ARHGAP5: variants seen among roughly 807,000 people sequenced by gnomAD.
The protein encoded by ARHGAP5 is rho GTPase-activating protein 5.
A neutral mutation model predicts 116.6 loss-of-function variants in ARHGAP5; 23 were observed. The observed-to-expected ratio is 0.20, with a 90% CI of 0.14 to 0.28. The LOEUF is 0.28. Among genes scored for constraint, ARHGAP5 ranks in the 10% least tolerant of loss-of-function variants. The probability of loss-of-function intolerance (pLI) is 1.00; values close to 1 mark genes in which losing one functional copy is unlikely to be tolerated. For synonymous variants in ARHGAP5, 574 were observed against 602.0 expected, an observed-to-expected ratio of 0.95 and a Z score of 0.68; for missense variants, 1,405 against 1,774.8, an observed-to-expected ratio of 0.79 and a Z score of 3.74.
intron 3 of ARHGAP5, among the ~76,000 whole-genome samples, chr14:32,135,877 A>G (rs1022934310): frequency 5.3e-5 from 8 of 152,246 alleles, no homozygotes; most frequent in African/African-American, 1.9e-4. Flanking sequence ...TGATCAAATA[A>G]TTATTTAATT....
Position 32,092,598 on chromosome 14 carries a change from C to G in ARHGAP5, c.1929C>G (p.Tyr643Ter). ...GGCCGGTTGATGCCAAATCGCCTTA[C>G]TTTTTGAGTCAGTTATGGACTGCCG... ...DLRPVDAKSP[Y>*]FLSQLWTAAF... The change falls in exon 2 of 7, where the codon TAC becomes TAG. Residue 643 changes from tyrosine to a stop codon, truncating the protein, a stop_gained. Coordinates refer to ENST00000345122, the MANE Select transcript of ARHGAP5 (RefSeq NM_001030055.2). LOFTEE classifies it high-confidence loss of function. The surrounding 1 kb of genome is among the most constrained non-coding windows in gnomAD (Gnocchi z 4.1). The G allele has an allele frequency of 6.2e-7, 1 of 1,613,680 alleles. No individual in the cohort carries two copies. The highest frequency in any genetic ancestry group is 8.5e-7 in the Non-Finnish European group (1 of 1,179,818).
At chr14:32,129,292 G>C (rs149384570) in intron 3 of ARHGAP5, among the ~76,000 whole-genome samples, 68 of 151,912 alleles carry the variant, frequency 4.5e-4, no homozygotes, top group African/African-American at 1.5e-3. Flanking sequence ...AGTTATGCTA[G>C]AGTAGGTGAT....
At chr14:32,143,244 T>TATTATC (rs111262766) in intron 3 of ARHGAP5, among the ~76,000 whole-genome samples, 109 of 151,422 alleles carry the variant, frequency 7.2e-4, no homozygotes, top group African/African-American at 2.5e-3. Flanking sequence ...TTGTTGTTAT[T>TATTATC]ATTATTATTA....
intron 3 of ARHGAP5, among the ~76,000 whole-genome samples, chr14:32,142,508 T>C (rs1881173673): frequency 6.6e-6 from 1 of 152,228 alleles, no homozygotes; most frequent in African/African-American, 2.4e-5. Context: ...CTATTCACTT[T>C]GCGGTGATTT....
intron 2 of ARHGAP5, among the ~76,000 whole-genome samples, chr14:32,099,373 G>A (rs1340832022): frequency 6.6e-6 from 1 of 152,178 alleles, no homozygotes; most frequent in Non-Finnish European, 1.5e-5. Context: ...GGTAATAGAT[G>A]AAATCTCCTA....
intron 6 of ARHGAP5, among the ~76,000 whole-genome samples, chr14:32,153,176 G>A (rs576990521): frequency 6.7e-6 from 1 of 149,370 alleles, no homozygotes; most frequent in Non-Finnish European, 1.5e-5. Flanking sequence ...GTATAAAATT[G>A]TATTAACATT....
intron 2 of ARHGAP5, 148 bp downstream of exon 2, chr14:32,094,534 T>G (rs1211103118): frequency 3.6e-6 from 2 of 559,526 alleles, no homozygotes. Flanking sequence ...TCTGTGGGGA[T>G]AAGTGATTTT....
At chr14:32,078,273 G>A (rs748042301) in intron 1 of ARHGAP5, 8 of 152,248 alleles carry the variant, frequency 5.3e-5, no homozygotes, top group Non-Finnish European at 8.8e-5. Context: ...TCGGGGTGTA[G>A]CTGAGGTTGA....
chr14:32,131,690 G>C (rs752169277), intron 3 of ARHGAP5, among the ~76,000 whole-genome samples: 5 of 152,030 alleles, frequency 3.3e-5, no homozygotes, highest in African/African-American at 1.2e-4. Context: ...CCCATTAACT[G>C]GTCATTTAGC....
chr14:32,135,045 C>T (rs1400604829), intron 3 of ARHGAP5, among the ~76,000 whole-genome samples: 4 of 152,142 alleles, frequency 2.6e-5, no homozygotes, highest in African/African-American at 9.7e-5. Context: ...CCATGCTTGT[C>T]CATTCCCAGC....
Position 32,156,417 on chromosome 14 carries a change from A to G in ARHGAP5, c.*1469A>G, listed in dbSNP as rs932108566. 1.3e-5 allele frequency: 2 copies of G among 152,402 alleles called. No homozygotes were observed. The highest frequency in any genetic ancestry group is 4.8e-5 in the African/African-American group (2 of 41,450). The allele number at this position is 152,402 out of a possible 1,614,324, so 9.4% of individuals were successfully genotyped here. On this transcript the variant is annotated 3_prime_UTR_variant, in exon 7 of 7. Transcript: ENST00000345122. ...TGCTCTGTTTTTTCCTAAAATAAAT[A>G]TTGTCTCTCCCAACTGTTAAGTTCT...
intron 2 of ARHGAP5, among the ~76,000 whole-genome samples, chr14:32,115,951 C>T (rs1226842028): frequency 4.2e-5 from 6 of 144,434 alleles, no homozygotes; most frequent in African/African-American, 1.0e-4. Context: ...GCTGAGATTG[C>T]GCCACTGCTC....
chr14:32,094,203 T>G lies in ARHGAP5; in HGVS notation c.3534T>G (p.Asp1178Glu), dbSNP rs1252910855. ...YRRTHSDASDDEAFTTSKTKR... is the reference protein window; with the variant it reads ...YRRTHSDASDEEAFTTSKTKR... ...GAACACATTCAGATGCCAGTGATGA[T>G]GAGGCTTTCACCACTTCTAAAACAA... The change falls in exon 2 of 7, where the codon GAT becomes GAG. Residue 1178 changes from aspartate to glutamate, a missense_variant. Physicochemically the swap from Asp to Glu is conservative, Grantham distance 45. Transcript: ENST00000345122. 1.2e-6 allele frequency: 2 copies of G among 1,612,686 alleles called. No individual in the cohort carries two copies. The highest frequency in any genetic ancestry group is 1.7e-6 in the Non-Finnish European group (2 of 1,179,806).
intron 4 of ARHGAP5, 103 bp downstream of exon 4, chr14:32,146,443 T>A: frequency 1.2e-6 from 1 of 817,472 alleles, no homozygotes. Flanking sequence ...CCTAAGGATA[T>A]GGATGTTGAG....
intron 2 of ARHGAP5, among the ~76,000 whole-genome samples, chr14:32,114,014 G>A (rs898366672): frequency 6.6e-6 from 1 of 152,134 alleles, no homozygotes; most frequent in African/African-American, 2.4e-5. Flanking sequence ...AGATCACGAG[G>A]TCAGGAGATC....
At chr14:32,145,083 T>G (rs1566683820) in intron 3 of ARHGAP5, among the ~76,000 whole-genome samples, 2 of 152,210 alleles carry the variant, frequency 1.3e-5, no homozygotes, top group African/African-American at 4.8e-5. Flanking sequence ...TAAGCAGGCC[T>G]CCTCTGACGT....
rs573264050 is a variant in ARHGAP5 at position 32,111,748 on chromosome 14, T to C, written c.3718-5392T>C. Among the ~76,000 whole-genome samples, 36 of 152,270 alleles carry C rather than the reference T, an allele frequency of 2.4e-4. No homozygotes were observed. In the South Asian group the frequency reaches 7.1e-3, roughly 30 times the overall value. Reference sequence around the variant, plus strand: ...ATCTTTTCAATTATATTGAATCTTTTATTTGCTACTTCTAAGCAGGTTTTT... The same window carrying C: ...ATCTTTTCAATTATATTGAATCTTTCATTTGCTACTTCTAAGCAGGTTTTT... On this transcript the variant is annotated intron_variant, in intron 2 of 6. Coordinates refer to ENST00000345122, the MANE Select transcript of ARHGAP5 (RefSeq NM_001030055.2).
At chr14:32,124,041 C>T (rs111886838) in intron 3 of ARHGAP5, among the ~76,000 whole-genome samples, 5,447 of 152,236 alleles carry the variant, frequency 0.036, 339 homozygotes, top group African/African-American at 0.12. Flanking sequence ...GTGTATTTCT[C>T]CATCTTTTTG....
intron 2 of ARHGAP5, 137 bp downstream of exon 2, chr14:32,094,523 T>C: frequency 1.6e-6 from 1 of 613,818 alleles, no homozygotes; most frequent in African/African-American, 1.9e-5. Flanking sequence ...TTTCTGAGTA[T>C]TCTGTGGGGA....
Sources: gnomAD v4.1 joint callset for allele counts (sites outside exome capture counted in the v4.1 genomes callset) on GRCh38, gnomAD v4.1.1 for gene constraint, Gnocchi (gnomAD v3.1) non-coding constraint, MANE v1.5 for transcripts, NCBI Gene and HGNC (gene_info 2026-07-23, HGNC 2026-07-21) for gene names.